Variants in GALNT15 observed in about 807,000 individuals in gnomAD.
GALNT15 encodes the protein polypeptide N-acetylgalactosaminyltransferase 15, also known as UDP-GalNAc transferase T15.
A neutral mutation model predicts 66.8 loss-of-function variants in GALNT15; 67 were observed. The ratio of observed to expected loss-of-function variants is 1.00; its 90% CI spans 0.82 to 1.23. The LOEUF is 1.23. Among genes scored for constraint, GALNT15 ranks in the 50% most tolerant of loss-of-function variants. GALNT15 has a pLI of 0.00. For synonymous variants in GALNT15, 313 were observed against 311.5 expected (o/e 1.00, Z -0.05); for missense variants, 827 against 804.3 (o/e 1.03, Z -0.34).
At position 16,175,831 on chromosome 3, in the gene GALNT15, C is replaced by T. The variant is rs2063403623; in HGVS notation, c.539+141C>T. On this transcript the variant is annotated intron_variant, in intron 1 of 9. Coordinates refer to ENST00000339732, the MANE Select transcript of GALNT15 (RefSeq NM_054110.5). The surrounding 1 kb of genome is among the most constrained non-coding windows in gnomAD (Gnocchi z 5.6). ...CAAGATGCAGTACCTGGGCCAGCAGCGTCAGCAGCCCCTGGGCACTGGTGG... is the reference window on the plus strand; with the variant it reads ...CAAGATGCAGTACCTGGGCCAGCAGTGTCAGCAGCCCCTGGGCACTGGTGG... 3 of 725,842 alleles carry T rather than the reference C, an allele frequency of 4.1e-6. No individual in the cohort carries two copies. Among genetic ancestry groups the T allele is most frequent in the Admixed American group, 5.9e-5 (2 of 33,910 alleles). 45.0% of individuals were successfully genotyped at this position (725,842 alleles called of 1,614,324 possible). A position where few individuals can be genotyped will look rare whatever the true frequency, so the allele number is the denominator to read the frequency against.
In GALNT15 at chr3:16,204,755, C is replaced by T. The variant is rs2063739481; in HGVS notation, c.912-3748C>T. Among the ~76,000 whole-genome samples the T allele has an allele frequency of 6.6e-6, 1 of 151,262 alleles. No homozygotes were observed. The highest frequency in any genetic ancestry group is 1.5e-5 in the Non-Finnish European group (1 of 68,030). ...GGTCTGGTCCCTATCTGCGAGACAT[C>T]CGGTCCTTCAGGATCAGCCAGGGGT... On this transcript the variant is annotated intron_variant, in intron 3 of 9. Coordinates refer to ENST00000339732, the MANE Select transcript of GALNT15 (RefSeq NM_054110.5). This position sits in a 1 kb window ranked among gnomAD's most constrained non-coding sequence, Gnocchi z 4.5.
In GALNT15 at chr3:16,211,164, C is replaced by T. The variant is rs1053908272; in HGVS notation, c.1120C>T (p.His374Tyr). Residue 374 changes from histidine to tyrosine, a missense_variant, in exon 5 of 10, where the codon CAT (histidine) becomes TAT (tyrosine). His to Tyr is a moderately conservative substitution (Grantham distance 83). Transcript: ENST00000339732. This position sits in a 1 kb window ranked among gnomAD's most constrained non-coding sequence, Gnocchi z 4.3. Reference protein sequence around the residue: ...VPGEVVAMDRHYFQNTGAYDS... With the variant: ...VPGEVVAMDRYYFQNTGAYDS... ...CGGAGAGGTGGTGGCCATGGACAGA[C>T]ATTACTTCCAAAACACTGGAGCGTA... 3 of 1,614,022 alleles carry T rather than the reference C, an allele frequency of 1.9e-6. No individual in the cohort carries two copies. Among genetic ancestry groups the T allele is most frequent in the East Asian group, 2.2e-5 (1 of 44,880 alleles).
At chr3:16,190,086 T>G (rs1008635086) in intron 1 of GALNT15, among the ~76,000 whole-genome samples, 1 of 152,224 alleles carries the variant, frequency 6.6e-6, no homozygotes, top group African/African-American at 2.4e-5. Flanking sequence ...TTGGCCGCTT[T>G]CAGGGACTCT....
chr3:16,237,467 G>A, the GALNT15 span, among the ~76,000 whole-genome samples: 1 of 152,190 alleles, frequency 6.6e-6, no homozygotes. The surrounding 1 kb of genome is among the most constrained non-coding windows in gnomAD (Gnocchi z 4.2). Flanking sequence ...CTCATGGACA[G>A]TTCCAAGCTC....
the GALNT15 span, among the ~76,000 whole-genome samples, chr3:16,239,152 C>A: frequency 6.6e-6 from 1 of 152,164 alleles, no homozygotes; most frequent in South Asian, 2.1e-4. This position sits in a 1 kb window ranked among gnomAD's most constrained non-coding sequence, Gnocchi z 5.2. Flanking sequence ...TTTCTCTTCA[C>A]TGAGAAAGCA....
Position 16,199,712 on chromosome 3 carries a change from G to A in GALNT15, c.707-907G>A, listed in dbSNP as rs1353766335. 1.3e-5 allele frequency among the ~76,000 whole-genome samples: 2 copies of A among 152,128 alleles called. 1 individual carries two copies. Among genetic ancestry groups the A allele is most frequent in the Non-Finnish European group, 2.9e-5 (2 of 68,026 alleles). ...ATCCCATGGGGGACTCTGGAGCACA[G>A]GCTGCACTGCGGGGTCTGTCTTGCT... is the stretch of plus-strand genomic sequence containing the variant. On this transcript the variant is annotated intron_variant, in intron 2 of 9. Coordinates refer to ENST00000339732, the MANE Select transcript of GALNT15 (RefSeq NM_054110.5).
Position 16,193,097 on chromosome 3 carries a change from G to A in GALNT15, c.540-2663G>A, listed in dbSNP as rs189926418. ...TCTCAGTTTCTTGTCAGTCTTAAAC[G>A]ATTTCAAAATAAAAAGTGGTAAAGT... On this transcript the variant is annotated intron_variant, in intron 1 of 9. Coordinates refer to ENST00000339732, the MANE Select transcript of GALNT15 (RefSeq NM_054110.5). This position sits in a 1 kb window ranked among gnomAD's most constrained non-coding sequence, Gnocchi z 4.7. Among the ~76,000 whole-genome samples, 3 of 152,240 alleles carry A rather than the reference G, an allele frequency of 2.0e-5. No homozygotes were observed. The highest frequency in any genetic ancestry group is 6.5e-5 in the Admixed American group (1 of 15,300).
Position 16,222,671 on chromosome 3 carries a change from C to T in GALNT15, c.1686C>T (p.Cys562=). ...EIHFGSPQHL[C]FAVRQEQVIL... ...ACTTTGGCAGCCCACAGCACCTGTGCTTTGCTGTCAGGCAGGAGCAGGTGA... is the reference window on the plus strand; with the variant it reads ...ACTTTGGCAGCCCACAGCACCTGTGTTTTGCTGTCAGGCAGGAGCAGGTGA... Residue 562 remains cysteine, a synonymous_variant, in exon 9 of 10, where the codon TGC becomes TGT. Coordinates refer to ENST00000339732, the MANE Select transcript of GALNT15 (RefSeq NM_054110.5). The T allele has an allele frequency of 6.2e-7, 1 of 1,614,224 alleles. No individual in the cohort carries two copies. The highest frequency in any genetic ancestry group is 1.1e-5 in the South Asian group (1 of 91,084).
chr3:16,185,748 CAGATAGATAGAT>C lies in GALNT15; in HGVS notation c.540-9979_540-9968del, dbSNP rs56684049. Among the ~76,000 whole-genome samples, 1,180 of 148,294 alleles carry C rather than the reference CAGATAGATAGAT, an allele frequency of 8.0e-3. 21 individuals carry two copies. Among genetic ancestry groups the C allele is most frequent in the African/African-American group, 0.024 (935 of 39,156 alleles). On this transcript the variant is annotated intron_variant, in intron 1 of 9. Transcript: ENST00000339732. The stretch of plus-strand genomic sequence containing the variant: ...GTAGTCCAAGATGGTGATAGACAGA[CAGATAGATAGAT>C]AGATAGATAGATAGATAGATAGATA...
At chr3:16,194,147 C>T (rs1326667144) in intron 1 of GALNT15, among the ~76,000 whole-genome samples, 1 of 152,208 alleles carries the variant, frequency 6.6e-6, no homozygotes, top group Non-Finnish European at 1.5e-5. Flanking sequence ...TCTTCCCTTC[C>T]CTCGAAGCCT....
chr3:16,227,355 A>G lies in GALNT15; in HGVS notation c.1775A>G (p.Asn592Ser). The G allele has an allele frequency of 6.2e-7, 1 of 1,607,820 alleles. No individual in the cohort carries two copies. The change falls in exon 10 of 10, where the codon AAT becomes AGT. Residue 592 changes from asparagine to serine, a missense_variant and splice_region_variant. Asn to Ser is a conservative substitution (Grantham distance 46). Coordinates refer to ENST00000339732, the MANE Select transcript of GALNT15 (RefSeq NM_054110.5). The surrounding 1 kb of genome is among the most constrained non-coding windows in gnomAD (Gnocchi z 4.5). ...IHQQHWDFQE[N>S]GMIVHILSGK... ...TTCTTTTTTCCTTTCTCTTTTTAGA[A>G]TGGGATGATTGTCCACATTCTTTCT...
rs776814317 is a variant in GALNT15, at chr3:16,211,083, G to A, written c.1080-41G>A. The A allele has an allele frequency of 2.0e-6, 3 of 1,465,148 alleles. No homozygotes were observed. The highest frequency in any genetic ancestry group is 2.9e-6 in the Non-Finnish European group (3 of 1,045,534). The allele number at this position is 1,465,148 out of a possible 1,614,324, so 90.8% of individuals were successfully genotyped here. ...CCCCCAGCCTCGCCTGCTGTGCTCT[G>A]GGTTCTGAACTGCAGTGTCCTGCCT... is the stretch of plus-strand genomic sequence containing the variant. On this transcript the variant is annotated intron_variant, in intron 4 of 9. Transcript: ENST00000339732. The surrounding 1 kb of genome is among the most constrained non-coding windows in gnomAD (Gnocchi z 4.3).
chr3:16,230,066 G>A lies in GALNT15; in HGVS notation c.*2566G>A, dbSNP rs1345189125. Among the ~76,000 whole-genome samples the A allele has an allele frequency of 6.6e-6, 1 of 152,160 alleles. No individual in the cohort carries two copies. The highest frequency in any genetic ancestry group is 1.5e-5 in the Non-Finnish European group (1 of 68,030). On this transcript the variant is annotated 3_prime_UTR_variant, in exon 10 of 10. Transcript: ENST00000339732. The surrounding 1 kb of genome is among the most constrained non-coding windows in gnomAD (Gnocchi z 4.5). The stretch of plus-strand genomic sequence containing the variant: ...AAAAGTAGAGAAACTTGTCAGTTGA[G>A]AGATCTGATTCCCAAGAGATTGGTT...
rs531942851 is a variant in GALNT15, at chr3:16,178,624, C to G, written c.539+2934C>G. ...CTGGCGCCTTCCCTTAACTGGATTC[C>G]TCGCCTGCATGCACAAGAGAGTCCC... On this transcript the variant is annotated intron_variant, in intron 1 of 9. Transcript: ENST00000339732. Among the ~76,000 whole-genome samples the G allele has an allele frequency of 2.0e-5, 3 of 152,308 alleles. No homozygotes were observed. In the South Asian group the frequency reaches 6.2e-4, roughly 32 times the overall value.
rs9813627 is a variant in GALNT15 at position 16,207,556 on chromosome 3, T to C, written c.912-947T>C. ...AAAAAAAAAAAAATTGGGCCTAAAA[T>C]TCCCCACCATTACCGGGAAATGAGC... On this transcript the variant is annotated intron_variant, in intron 3 of 9. Transcript: ENST00000339732. Among the ~76,000 whole-genome samples the C allele has an allele frequency of 2.7e-5, 3 of 109,346 alleles. 1 individual carries two copies. The highest frequency in any genetic ancestry group is 5.5e-5 in the Non-Finnish European group (3 of 54,876). The allele number at this position is 109,346 out of a possible 152,430, so 71.7% of individuals were successfully genotyped here.
rs908050822 is a variant in GALNT15 at position 16,187,321 on chromosome 3, T to C, written c.540-8439T>C. Among the ~76,000 whole-genome samples, 1 of 152,204 alleles carries C rather than the reference T, an allele frequency of 6.6e-6. No individual in the cohort carries two copies. Among genetic ancestry groups the C allele is most frequent in the Non-Finnish European group, 1.5e-5 (1 of 68,040 alleles). On this transcript the variant is annotated intron_variant, in intron 1 of 9. Coordinates refer to ENST00000339732, the MANE Select transcript of GALNT15 (RefSeq NM_054110.5). This position sits in a 1 kb window ranked among gnomAD's most constrained non-coding sequence, Gnocchi z 5.1. The stretch of plus-strand genomic sequence containing the variant: ...ATTTCTATGTTATGGTTCTATAATT[T>C]GGACCGGACTCAGCCAGGCAGTTCT...
rs2063813022 is a variant in GALNT15, at chr3:16,211,359, T to A, written c.1197+118T>A. 2.9e-6 allele frequency: 2 copies of A among 684,658 alleles called. No individual in the cohort carries two copies. The highest frequency in any genetic ancestry group is 4.3e-5 in the Admixed American group (2 of 46,352). The allele number at this position is 684,658 out of a possible 1,614,324, so 42.4% of individuals were successfully genotyped here. ...AAGGAATGAGGCTGTGGGAAAATTA[T>A]AAAGTCATTCCTGTGTTGTGTGTCA... On this transcript the variant is annotated intron_variant, in intron 5 of 9. Coordinates refer to ENST00000339732, the MANE Select transcript of GALNT15 (RefSeq NM_054110.5). The surrounding 1 kb of genome is among the most constrained non-coding windows in gnomAD (Gnocchi z 4.3).
Position 16,212,608 on chromosome 3 carries a change from T to A in GALNT15, c.1237T>A (p.Ser413Thr). The change falls in exon 6 of 10, where the codon TCT becomes ACT. Residue 413 changes from serine to threonine, a missense_variant. Transcript: ENST00000339732. The part of the protein sequence containing the change: ...CGGSVEILPC[S>T]RVGHIYQNQD... ...TGGCTCTGTTGAAATCCTTCCCTGC[T>A]CTCGGGTAGGACACATCTACCAAAA... 6.2e-7 allele frequency: 1 copy of A among 1,613,914 alleles called. No homozygotes were observed. The highest frequency in any genetic ancestry group is 8.5e-7 in the Non-Finnish European group (1 of 1,179,980).
chr3:16,212,761 A>G lies in GALNT15; in HGVS notation c.1390A>G (p.Lys464Glu), dbSNP rs1559688951. 6.2e-7 allele frequency: 1 copy of G among 1,612,740 alleles called. No individual in the cohort carries two copies. The change falls in exon 6 of 10, where the codon AAG (lysine) becomes GAG (glutamate). Residue 464 changes from lysine (K) to glutamate (E), a missense_variant and splice_region_variant. By Grantham distance (56) the Lys-to-Glu change is moderately conservative (BLOSUM62 1). Coordinates refer to ENST00000339732, the MANE Select transcript of GALNT15 (RefSeq NM_054110.5). ...TAGCCCAGAGGCCTTCTCCTTGAGC[A>G]AGGTAAGGAGAGAGCCAAGTGGGGC... ...KHSPEAFSLS[K>E]AEKPDCMERL...
Sources: gnomAD v4.1 joint callset for allele counts (sites outside exome capture counted in the v4.1 genomes callset) on GRCh38, gnomAD v4.1.1 for gene constraint, Gnocchi (gnomAD v3.1) non-coding constraint, MANE v1.5 for transcripts, NCBI Gene and HGNC (gene_info 2026-07-23, HGNC 2026-07-21) for gene names.